Variants in HADHB observed in about 807,000 individuals in gnomAD.
HADHB encodes the protein hydroxyacyl-CoA dehydrogenase trifunctional multienzyme complex subunit beta.
HADHB carries 50 observed loss-of-function variants against 61.9 expected under a neutral mutation model. That is an observed-to-expected ratio of 0.81 (90% CI 0.64 to 1.02). The LOEUF (loss-of-function observed/expected upper bound fraction) is 1.02. HADHB is among the 50% of genes least tolerant of loss of function. The probability of loss-of-function intolerance (pLI) is 0.00; values close to 1 mark genes in which losing one functional copy is unlikely to be tolerated. For missense variants in HADHB, 504 were observed against 586.5 expected (o/e 0.86, Z 1.45); for synonymous variants, 191 against 201.6 (o/e 0.95, Z 0.45).
chr2:26,247,563 A>G (rs1309248222), intron 1 of HADHB, among the ~76,000 whole-genome samples: 1 of 152,218 alleles, frequency 6.6e-6, no homozygotes, highest in African/African-American at 2.4e-5. Flanking sequence ...ATATTGATGT[A>G]CAGTCGGCCC....
Position 26,273,767 on chromosome 2 carries a change from T to G in HADHB, c.354+17T>G. ...GCTAGAGAGGTGAGTAAAACAAACT[T>G]TATGTTGTTTAAAGAGTGATAGGAG... is the stretch of plus-strand genomic sequence containing the variant. On this transcript the variant is annotated intron_variant, in intron 6 of 15. Transcript: ENST00000317799. 2 of 1,226,964 alleles carry G rather than the reference T, an allele frequency of 1.6e-6. No individual in the cohort carries two copies. The highest frequency in any genetic ancestry group is 2.4e-6 in the Non-Finnish European group (2 of 826,412). The allele number at this position is 1,226,964 out of a possible 1,614,324, so 76.0% of individuals were successfully genotyped here.
chr2:26,279,222 G>A lies in HADHB; in HGVS notation c.718G>A (p.Glu240Lys). 6.2e-7 allele frequency: 1 copy of A among 1,613,642 alleles called. No homozygotes were observed. Among genetic ancestry groups the A allele is most frequent in the Non-Finnish European group, 8.5e-7 (1 of 1,179,596 alleles). The change falls in exon 9 of 16, where the codon GAA becomes AAA. Residue 240 changes from glutamate to lysine, a missense_variant. Transcript: ENST00000317799. ...LAAAFAVSRL[E>K]QDEYALRSHS... The stretch of plus-strand genomic sequence containing the variant: ...CGCTGCCTTTGCTGTTTCTCGGCTG[G>A]AACAGGATGAATATGCACTGCGCTC...
intron 6 of HADHB, among the ~76,000 whole-genome samples, chr2:26,275,906 A>G (rs1387494510): frequency 6.6e-6 from 1 of 152,216 alleles, no homozygotes; most frequent in African/African-American, 2.4e-5. Flanking sequence ...AAATTATAGG[A>G]GAGTGTGTTC....
In HADHB at chr2:26,280,047, A is replaced by G. The variant is rs778271611; in HGVS notation, c.865A>G (p.Met289Val). Reference protein sequence around the residue: ...NGIRPSSLEQMAKLKPAFIKP... With the variant: ...NGIRPSSLEQVAKLKPAFIKP... ...CATCCGTCCTTCCTCACTGGAGCAG[A>G]TGGCCAAACTAAAACCTGCATTCAT... The change falls in exon 10 of 16, where the codon ATG becomes GTG. Residue 289 changes from methionine (M) to valine (V), a missense_variant. Coordinates refer to ENST00000317799, the MANE Select transcript of HADHB (RefSeq NM_000183.3). 3 of 1,609,758 alleles carry G rather than the reference A, an allele frequency of 1.9e-6. No homozygotes were observed. Among genetic ancestry groups the G allele is most frequent in the East Asian group, 2.2e-5 (1 of 44,848 alleles).
rs769973692 is a variant in HADHB, at chr2:26,283,077, C to G, written c.1061+26C>G. 8 of 1,472,052 alleles carry G rather than the reference C, an allele frequency of 5.4e-6. No individual in the cohort carries two copies. In the African/African-American group the frequency reaches 1.1e-4, roughly 20 times the overall value. 91.2% of individuals were successfully genotyped at this position (1,472,052 alleles called of 1,614,324 possible). On this transcript the variant is annotated intron_variant, in intron 12 of 15. Transcript: ENST00000317799. ...GTAGGTAGCAGTTTGTATCCTTGGA[C>G]TATAATCACAAGTATTTGATTGCCT...
intron 1 of HADHB, among the ~76,000 whole-genome samples, chr2:26,247,759 A>G (rs1574636039): frequency 6.6e-6 from 1 of 152,192 alleles, no homozygotes. Context: ...TAAGTAGTCT[A>G]GAGATGATTT....
intron 1 of HADHB, among the ~76,000 whole-genome samples, chr2:26,252,165 G>A (rs1039462461): frequency 6.6e-6 from 1 of 152,190 alleles, no homozygotes; most frequent in South Asian, 2.1e-4. Flanking sequence ...GAGAGACCAC[G>A]ACAGATGCTG....
rs1288550708 is a variant in HADHB, at chr2:26,280,010, C to G, written c.828C>G (p.Thr276=). Residue 276 remains threonine (T), a synonymous_variant, in exon 10 of 16, where the codon ACC becomes ACG. Coordinates refer to ENST00000317799, the MANE Select transcript of HADHB (RefSeq NM_000183.3). ...TTTTAATAGGAAAAGATACAGTTAC[C>G]AAAGATAATGGCATCCGTCCTTCCT... ...PFKVPGKDTV[T]KDNGIRPSSL... is the part of the protein sequence containing the mutation. 1.2e-6 allele frequency: 2 copies of G among 1,608,686 alleles called. No homozygotes were observed. The highest frequency in any genetic ancestry group is 1.7e-6 in the Non-Finnish European group (2 of 1,176,912).
intron 15 of HADHB, among the ~76,000 whole-genome samples, chr2:26,289,561 A>G (rs935961868): frequency 1.3e-5 from 2 of 152,238 alleles, no homozygotes; most frequent in African/African-American, 4.8e-5. Context: ...ATCCATTTGT[A>G]GAGCATCACT....
At chr2:26,260,083 T>A (rs951696756) in intron 3 of HADHB, among the ~76,000 whole-genome samples, 3 of 146,854 alleles carry the variant, frequency 2.0e-5, no homozygotes, top group Non-Finnish European at 4.5e-5. Flanking sequence ...TTTTTCTGGT[T>A]TTTTTTTTTT....
intron 1 of HADHB, among the ~76,000 whole-genome samples, chr2:26,246,500 G>A (rs1329563852): frequency 6.6e-6 from 1 of 151,458 alleles, no homozygotes; most frequent in Non-Finnish European, 1.5e-5. Flanking sequence ...CCACCACGCC[G>A]GGCTAATTTT....
chr2:26,281,925 G>A (rs1286887092), intron 10 of HADHB, among the ~76,000 whole-genome samples: 2 of 151,762 alleles, frequency 1.3e-5, no homozygotes, highest in African/African-American at 4.8e-5. Context: ...TTTCTTCTTT[G>A]AAGTATGGTA....
chr2:26,253,442 C>G (rs1444286124), intron 1 of HADHB, among the ~76,000 whole-genome samples: 3 of 152,130 alleles, frequency 2.0e-5, no homozygotes, highest in African/African-American at 7.2e-5. Flanking sequence ...CATAGTACAG[C>G]CTTCAGAATC....
chr2:26,273,594 T>A, intron 5 of HADHB, 57 bp from the exon 6 acceptor site: 1 of 918,638 alleles, frequency 1.1e-6, no homozygotes. Flanking sequence ...TGTGTGATGA[T>A]CTCTGGCACT....
At chr2:26,288,716 A>AC (rs1553323889) in intron 15 of HADHB, among the ~76,000 whole-genome samples, 4 of 152,170 alleles carry the variant, frequency 2.6e-5, no homozygotes, top group African/African-American at 9.6e-5. Context: ...TTCAAAAAAA[A>AC]CAGAAAAACC....
chr2:26,249,175 A>G (rs1446995524), intron 1 of HADHB, among the ~76,000 whole-genome samples: 1 of 152,014 alleles, frequency 6.6e-6, no homozygotes, highest in East Asian at 1.9e-4. Context: ...GCTTTTGGTC[A>G]TGTATCAGGA....
intron 3 of HADHB, chr2:26,261,236 A>G (rs896609024): frequency 2.0e-6 from 1 of 491,524 alleles, no homozygotes; most frequent in Non-Finnish European, 3.6e-6. Context: ...CAGACAAACA[A>G]AAAAAGTATC....
At chr2:26,272,073 AT>A (rs1240443009) in intron 5 of HADHB, among the ~76,000 whole-genome samples, 1 of 152,024 alleles carries the variant, frequency 6.6e-6, no homozygotes, top group Non-Finnish European at 1.5e-5. Context: ...AGTTTTTTTA[AT>A]TGATAAAAAA....
chr2:26,256,227 C>T (rs1027076992), intron 3 of HADHB, among the ~76,000 whole-genome samples: 3 of 152,124 alleles, frequency 2.0e-5, no homozygotes, highest in Non-Finnish European at 4.4e-5. Flanking sequence ...AAGTGGCCAG[C>T]TGATTTGAGG....
Sources: gnomAD v4.1 joint callset for allele counts (sites outside exome capture counted in the v4.1 genomes callset) on GRCh38, gnomAD v4.1.1 for gene constraint, MANE v1.5 for transcripts, NCBI Gene and HGNC (gene_info 2026-07-23, HGNC 2026-07-21) for gene names.